Variants in TAFA5 observed in about 807,000 individuals in gnomAD.
TAFA5 encodes the protein TAFA chemokine like family member 5, also known as chemokine-like protein TAFA-5.
In TAFA5, 6 loss-of-function variants were observed where a neutral mutation model predicts 15.3. That is an observed-to-expected ratio of 0.39 (90% CI 0.21 to 0.77). The LOEUF is 0.77. Among genes scored for constraint, TAFA5 ranks in the 30% least tolerant of loss-of-function variants. TAFA5 has a pLI of 0.41. For missense variants in TAFA5, 161 were observed against 193.1 expected (o/e 0.83, Z 0.98); for synonymous variants, 103 against 80.7 (o/e 1.28, Z -1.48).
intron 1 of TAFA5, among the ~76,000 whole-genome samples, chr22:48,597,496 TCA>T (rs1007273556): frequency 4.6e-5 from 7 of 151,124 alleles, no homozygotes; most frequent in Non-Finnish European, 8.8e-5. Context: ...CACCTGGGCC[TCA>T]GTTTCCCTGC....
chr22:48,592,608 C>T (rs1191378541), intron 1 of TAFA5, among the ~76,000 whole-genome samples: 1 of 152,198 alleles, frequency 6.6e-6, no homozygotes, highest in Non-Finnish European at 1.5e-5. Context: ...GGGCGCACTC[C>T]TCTGCGCTCT....
At chr22:48,604,946 A>G (rs956841836) in intron 1 of TAFA5, among the ~76,000 whole-genome samples, 1 of 151,868 alleles carries the variant, frequency 6.6e-6, no homozygotes, top group Non-Finnish European at 1.5e-5. Context: ...AGATGATGAT[A>G]CTGTGAATAT....
chr22:48,746,595 G>A (rs1422225300), intron 3 of TAFA5, among the ~76,000 whole-genome samples: 1 of 152,210 alleles, frequency 6.6e-6, no homozygotes, highest in African/African-American at 2.4e-5. Flanking sequence ...TACACATGGA[G>A]AAACTGAGGC....
chr22:48,671,082 G>A (rs770143939), intron 2 of TAFA5, among the ~76,000 whole-genome samples: 4 of 152,196 alleles, frequency 2.6e-5, no homozygotes, highest in Admixed American at 6.5e-5. Flanking sequence ...GGAATAGACT[G>A]TGCCGTATGC....
At chr22:48,548,157 C>T (rs779806238) in intron 1 of TAFA5, among the ~76,000 whole-genome samples, 13 of 152,216 alleles carry the variant, frequency 8.5e-5, no homozygotes, top group Non-Finnish European at 1.5e-4. Flanking sequence ...GGATCTGGCC[C>T]CGTGGGGCTT....
chr22:48,544,602 C>T (rs1253976762), intron 1 of TAFA5: 12 of 437,578 alleles, frequency 2.7e-5, no homozygotes, highest in South Asian at 7.0e-5. Context: ...CTGCACAGAG[C>T]GGCACAGCTG....
intron 1 of TAFA5, among the ~76,000 whole-genome samples, chr22:48,514,895 T>A (rs1364230696): frequency 1.3e-5 from 2 of 152,236 alleles, no homozygotes; most frequent in Admixed American, 6.5e-5. Context: ...ATCTCTGATC[T>A]CCAAACCATA....
rs568117366 is a variant in TAFA5, at chr22:48,506,085, C to T, written c.112+16381C>T. On this transcript the variant is annotated intron_variant, in intron 1 of 3. Coordinates refer to ENST00000402357, the MANE Select transcript of TAFA5 (RefSeq NM_001082967.3). ...GGCCAGCTGAGGTCGCCCTTCCCTG[C>T]ACACCCCACGGGGCTGTCCCTATCT... Among the ~76,000 whole-genome samples, 440 of 152,320 alleles carry T rather than the reference C, an allele frequency of 2.9e-3. 1 individual carries two copies. Among genetic ancestry groups the T allele is most frequent in the Non-Finnish European group, 5.0e-3 (340 of 68,024 alleles).
chr22:48,557,214 A>G (rs1601577623), intron 1 of TAFA5, among the ~76,000 whole-genome samples: 1 of 152,150 alleles, frequency 6.6e-6, no homozygotes, highest in East Asian at 1.9e-4. Context: ...CAGGTTCTTT[A>G]AAGAGGTGAT....
chr22:48,514,287 G>T (rs1233945796), intron 1 of TAFA5, among the ~76,000 whole-genome samples: 1 of 152,174 alleles, frequency 6.6e-6, no homozygotes, highest in Non-Finnish European at 1.5e-5. Flanking sequence ...AAAATTAAAT[G>T]ACACCTTCTT....
At chr22:48,544,801 G>C (rs1281425158) in intron 1 of TAFA5, 1 of 471,252 alleles carries the variant, frequency 2.1e-6, no homozygotes, top group Non-Finnish European at 4.4e-6. Flanking sequence ...TCTAGGCGAG[G>C]CCTGCAAACA....
chr22:48,597,622 C>G (rs28605147), intron 1 of TAFA5, among the ~76,000 whole-genome samples: 6,886 of 152,328 alleles, frequency 0.045, 411 homozygotes, highest in East Asian at 0.16. Context: ...CCGTTCCCCT[C>G]TGGCTGGCTC....
intron 1 of TAFA5, among the ~76,000 whole-genome samples, chr22:48,641,652 A>G (rs1289714034): frequency 8.8e-6 from 1 of 113,422 alleles, no homozygotes; most frequent in Non-Finnish European, 1.8e-5. Flanking sequence ...CCCTCCCCTC[A>G]CACACGATGC....
intron 1 of TAFA5, among the ~76,000 whole-genome samples, chr22:48,491,622 CGGT>C (rs1928157365): frequency 1.3e-5 from 2 of 152,278 alleles, no homozygotes; most frequent in African/African-American, 4.8e-5. Flanking sequence ...GCGAGGAGCG[CGGT>C]ACACACTGTC....
In TAFA5 at chr22:48,552,896, C is replaced by T. The variant is rs961385346; in HGVS notation, c.112+63192C>T. Among the ~76,000 whole-genome samples the T allele has an allele frequency of 9.2e-5, 14 of 152,188 alleles. No individual in the cohort carries two copies. Among genetic ancestry groups the T allele is most frequent in the Middle Eastern group, 3.4e-3 (1 of 294 alleles). On this transcript the variant is annotated intron_variant, in intron 1 of 3. Transcript: ENST00000402357. The surrounding 1 kb of genome is among the most constrained non-coding windows in gnomAD (Gnocchi z 4.1). Reference sequence around the variant, plus strand: ...AGCCCCTGGTTTCCCACTGTTGTGACGGCCCTGTCTGCATTCCCTGCAGAA... The same window carrying T: ...AGCCCCTGGTTTCCCACTGTTGTGATGGCCCTGTCTGCATTCCCTGCAGAA...
intron 3 of TAFA5, among the ~76,000 whole-genome samples, chr22:48,739,696 A>T (rs184695379): frequency 8.4e-4 from 128 of 152,236 alleles, no homozygotes; most frequent in African/African-American, 2.9e-3. Flanking sequence ...ATAAAGGATG[A>T]AGTGTTGAGC....
At position 48,552,560 on chromosome 22, in the gene TAFA5, G is replaced by A. The variant is rs547564068; in HGVS notation, c.112+62856G>A. Among the ~76,000 whole-genome samples, 578 of 152,176 alleles carry A rather than the reference G, an allele frequency of 3.8e-3. 3 individuals are homozygous for A. The highest frequency in any genetic ancestry group is 0.013 in the African/African-American group (549 of 41,524). On this transcript the variant is annotated intron_variant, in intron 1 of 3. Transcript: ENST00000402357. The surrounding 1 kb of genome is among the most constrained non-coding windows in gnomAD (Gnocchi z 4.1). ...GACTTCACAGCCCGGCGGAACCCAC[G>A]CCCATGCCCAGCTCTGCCTAAATGG...
chr22:48,645,112 G>C (rs936082251), intron 1 of TAFA5, among the ~76,000 whole-genome samples: 119 of 152,378 alleles, frequency 7.8e-4, no homozygotes, highest in African/African-American at 2.8e-3. Context: ...GTGAGGCAGC[G>C]AGTAAGTAGA....
intron 1 of TAFA5, among the ~76,000 whole-genome samples, chr22:48,592,640 T>G (rs1924612749): frequency 6.6e-6 from 1 of 152,114 alleles, no homozygotes. Context: ...CGGTATCTGC[T>G]GCCTCCCTCC....
Sources: gnomAD v4.1 joint callset for allele counts (sites outside exome capture counted in the v4.1 genomes callset) on GRCh38, gnomAD v4.1.1 for gene constraint, Gnocchi (gnomAD v3.1) non-coding constraint, MANE v1.5 for transcripts, NCBI Gene and HGNC (gene_info 2026-07-23, HGNC 2026-07-21) for gene names.